PTPRD: variants seen among roughly 807,000 people sequenced by gnomAD.
PTPRD encodes receptor-type tyrosine-protein phosphatase delta.
A neutral mutation model predicts 214.5 loss-of-function variants in PTPRD; 34 were observed. The ratio of observed to expected loss-of-function variants is 0.16; its 90% confidence interval spans 0.12 to 0.21. PTPRD has a LOEUF of 0.21. Ranked by LOEUF, PTPRD falls within the 10% of genes least tolerant of loss-of-function variation. PTPRD has a pLI of 1.00. For synonymous variants in PTPRD, 1,128 were observed against 845.7 expected, an observed-to-expected ratio of 1.33 and a Z score of -5.79; for missense variants, 2,545 against 2,398.7, an observed-to-expected ratio of 1.06 and a Z score of -1.27.
At chr9:9,391,637 G>C (rs1216621852) in intron 9 of PTPRD, among the ~76,000 whole-genome samples, 1 of 152,034 alleles carries the variant, frequency 6.6e-6, no homozygotes, top group African/African-American at 2.4e-5. Context: ...TATTTTGTTG[G>C]TGCAACTTAG....
intron 2 of PTPRD, among the ~76,000 whole-genome samples, chr9:10,521,838 AATT>A (rs1589998371): frequency 6.6e-6 from 1 of 152,170 alleles, no homozygotes; most frequent in African/African-American, 2.4e-5. Context: ...GCTATTGCAC[AATT>A]AATAGGCTAC....
At chr9:9,853,272 G>C (rs1367024827) in intron 5 of PTPRD, among the ~76,000 whole-genome samples, 1 of 152,170 alleles carries the variant, frequency 6.6e-6, no homozygotes, top group Non-Finnish European at 1.5e-5. Flanking sequence ...CTGAACATGG[G>C]TGTGTTACAG....
At chr9:9,697,727 G>T (rs2154409261) in intron 7 of PTPRD, among the ~76,000 whole-genome samples, 1 of 152,196 alleles carries the variant, frequency 6.6e-6, no homozygotes, top group Middle Eastern at 3.4e-3. Context: ...GTTTTTGAAA[G>T]CTGTCATTTC....
intron 3 of PTPRD, among the ~76,000 whole-genome samples, chr9:10,099,815 G>T (rs2098533684): frequency 1.3e-5 from 2 of 151,450 alleles, no homozygotes; most frequent in Admixed American, 6.6e-5. Context: ...AGAAGATTGG[G>T]TAAGATTAGA....
intron 7 of PTPRD, among the ~76,000 whole-genome samples, chr9:9,679,120 G>GA (rs1564498341): frequency 6.1e-4 from 60 of 97,568 alleles, no homozygotes; most frequent in African/African-American, 1.6e-3. Flanking sequence ...TGAAAAAGGG[G>GA]GAAAAAAAAA....
At chr9:8,892,020 C>G (rs1034336823) in intron 11 of PTPRD, among the ~76,000 whole-genome samples, 3 of 152,138 alleles carry the variant, frequency 2.0e-5, no homozygotes, top group African/African-American at 4.8e-5. Context: ...ACATACTCTC[C>G]CCTTTCTACT....
chr9:9,084,780 C>T (rs2099764586), intron 10 of PTPRD, among the ~76,000 whole-genome samples: 1 of 152,112 alleles, frequency 6.6e-6, no homozygotes, highest in African/African-American at 2.4e-5. Flanking sequence ...TAGATTGCTT[C>T]ATAGTTCACG....
At chr9:8,766,319 T>A (rs1332288577) in intron 11 of PTPRD, among the ~76,000 whole-genome samples, 1 of 151,908 alleles carries the variant, frequency 6.6e-6, no homozygotes, top group Non-Finnish European at 1.5e-5. Flanking sequence ...GCACTGTAGG[T>A]GAGTCAGTGT....
At chr9:9,801,141 T>A (rs2099037091) in intron 5 of PTPRD, among the ~76,000 whole-genome samples, 1 of 152,158 alleles carries the variant, frequency 6.6e-6, no homozygotes. Context: ...TTCCATCATG[T>A]AACAACTTTG....
chr9:9,251,974 T>G (rs548733509), intron 9 of PTPRD, among the ~76,000 whole-genome samples: 1 of 152,100 alleles, frequency 6.6e-6, no homozygotes, highest in Non-Finnish European at 1.5e-5. Context: ...ACTTCCCTAT[T>G]GTCTTTACAA....
intron 2 of PTPRD, among the ~76,000 whole-genome samples, chr9:10,360,373 T>C (rs1255922496): frequency 1.3e-5 from 2 of 152,262 alleles, no homozygotes; most frequent in Non-Finnish European, 2.9e-5. Flanking sequence ...TTTATTTTAC[T>C]ATATCAGACA....
intron 2 of PTPRD, among the ~76,000 whole-genome samples, chr9:10,592,889 C>G (rs1041515783): frequency 6.6e-6 from 1 of 151,828 alleles, no homozygotes; most frequent in East Asian, 1.9e-4. Flanking sequence ...AAGCTGGCCA[C>G]GCTAGCCCAG....
chr9:10,517,985 T>C (rs1045996038), intron 2 of PTPRD, among the ~76,000 whole-genome samples: 11 of 152,152 alleles, frequency 7.2e-5, no homozygotes, highest in Non-Finnish European at 1.0e-4. Context: ...TTGGAATATA[T>C]TGAATATGAA....
At chr9:8,667,821 A>G (rs80209306) in intron 12 of PTPRD, among the ~76,000 whole-genome samples, 2 of 152,166 alleles carry the variant, frequency 1.3e-5, no homozygotes, top group African/African-American at 4.8e-5. Context: ...ATCATTTCAG[A>G]TAAGAAATAC....
chr9:9,087,661 G>A (rs557291000), intron 10 of PTPRD, among the ~76,000 whole-genome samples: 25 of 152,144 alleles, frequency 1.6e-4, no homozygotes, highest in African/African-American at 5.8e-4. Context: ...GGAAAACATG[G>A]GGAAGTGAAT....
In PTPRD at chr9:8,615,628, T is replaced by C. The variant is rs2095586841; in HGVS notation, c.352+17689A>G. ...AAGAACAAAACCATTCTAAGTGAATTTCGTACACATAAAATCCAGCATGGC... is the reference window on the plus strand; with the variant it reads ...AAGAACAAAACCATTCTAAGTGAATCTCGTACACATAAAATCCAGCATGGC... On this transcript the variant is annotated intron_variant, in intron 14 of 45. Transcript: ENST00000381196. Among the ~76,000 whole-genome samples the C allele has an allele frequency of 3.9e-5, 6 of 152,176 alleles. No individual in the cohort carries two copies. The South Asian group carries it at 1.2e-3, about 32-fold the overall frequency.
chr9:8,401,301 A>T (rs796215753), intron 36 of PTPRD, among the ~76,000 whole-genome samples: 3 of 152,128 alleles, frequency 2.0e-5, no homozygotes, highest in African/African-American at 7.2e-5. Flanking sequence ...AGTAGCTGGG[A>T]CTACAGGCAC....
At chr9:9,408,235 T>C (rs1385113218) in intron 8 of PTPRD, among the ~76,000 whole-genome samples, 1 of 151,880 alleles carries the variant, frequency 6.6e-6, no homozygotes, top group Non-Finnish European at 1.5e-5. Flanking sequence ...AATTATTATA[T>C]GTGCAAATTG....
chr9:9,688,542 G>C (rs1413859652), intron 7 of PTPRD, among the ~76,000 whole-genome samples: 4 of 151,824 alleles, frequency 2.6e-5, no homozygotes, highest in Non-Finnish European at 5.9e-5. Context: ...GTATACAACA[G>C]TCATAAATAG....
Sources: allele counts gnomAD v4.1 joint callset (sites outside exome capture counted in the v4.1 genomes callset), GRCh38; gene constraint gnomAD v4.1.1; transcripts MANE v1.5; gene names NCBI Gene and HGNC (gene_info 2026-07-23, HGNC 2026-07-21).